Variants in UBR4 observed in about 807,000 individuals in gnomAD.
The protein encoded by UBR4 is E3 ubiquitin-protein ligase UBR4.
In UBR4, 124 loss-of-function variants were observed where a neutral mutation model predicts 575.6. The ratio of observed to expected loss-of-function variants is 0.22; its 90% CI spans 0.19 to 0.25. The LOEUF is 0.25. UBR4 is among the 10% of genes least tolerant of loss of function. The probability of loss-of-function intolerance (pLI) is 1.00; values close to 1 mark genes in which losing one functional copy is unlikely to be tolerated. For missense variants in UBR4, 4,818 were observed against 6,478.8 expected (o/e 0.74, Z 8.80); for synonymous variants, 2,455 against 2,473.7 (o/e 0.99, Z 0.22).
chr1:19,186,881 T>C (rs1482186053), intron 13 of UBR4, among the ~76,000 whole-genome samples: 2 of 152,028 alleles, frequency 1.3e-5, no homozygotes, highest in African/African-American at 4.8e-5. Flanking sequence ...TCCTCTATGC[T>C]TCTGCTTCAG....
chr1:19,078,345 C>A, intron 103 of UBR4: 1 of 335,798 alleles, frequency 3.0e-6, no homozygotes. Flanking sequence ...GGGGAGACAT[C>A]GCCAGGGCAG....
intron 60 of UBR4, among the ~76,000 whole-genome samples, chr1:19,132,396 GGTTTT>G (rs2082590112): frequency 6.6e-6 from 1 of 151,768 alleles, no homozygotes; most frequent in African/African-American, 2.4e-5. Flanking sequence ...TGAGCAGGCT[GGTTTT>G]GAACTCCTGG....
intron 103 of UBR4, chr1:19,081,113 T>G (rs971660812): frequency 2.2e-6 from 1 of 463,866 alleles, no homozygotes; most frequent in Non-Finnish European, 3.8e-6. Context: ...TTTTCTACAG[T>G]AGGTAAGACT....
At position 19,149,584 on chromosome 1, in the gene UBR4, G is replaced by A. The variant is rs185514040; in HGVS notation, c.7431-958C>T. ...TGGCCAACACCAAGAGTGCACTTACGATCTTCCATATACTCCATTTTTACA... is the reference window on the plus strand; with the variant it reads ...TGGCCAACACCAAGAGTGCACTTACAATCTTCCATATACTCCATTTTTACA... On this transcript the variant is annotated intron_variant, in intron 49 of 105. Coordinates refer to ENST00000375254, the MANE Select transcript of UBR4 (RefSeq NM_020765.3). 1.4e-4 allele frequency among the ~76,000 whole-genome samples: 22 copies of A among 152,180 alleles called. No homozygotes were observed. In the East Asian group the frequency reaches 3.5e-3, roughly 24 times the overall value.
intron 17 of UBR4, among the ~76,000 whole-genome samples, chr1:19,180,082 T>C (rs893217087): frequency 3.3e-5 from 5 of 152,212 alleles, no homozygotes; most frequent in African/African-American, 1.2e-4. Context: ...TCACACCGGA[T>C]GTGCCAGGCA....
At chr1:19,175,136 A>C in intron 20 of UBR4, 103 bp from the exon 21 acceptor site, 1 of 1,104,448 alleles carries the variant, frequency 9.1e-7, no homozygotes, top group Non-Finnish European at 1.3e-6. Context: ...AGGTTTCCCA[A>C]CCTTAACAAT....
chr1:19,105,058 AGGTTGCCCACATAG>A lies in UBR4; in HGVS notation c.12621_12634del (p.Tyr4208HisfsTer27). 1 of 1,613,780 alleles carries A rather than the reference AGGTTGCCCACATAG, an allele frequency of 6.2e-7. No homozygotes were observed. The highest frequency in any genetic ancestry group is 8.5e-7 in the Non-Finnish European group (1 of 1,179,828). ...AATAGGGTAGGATACCTTGGTGATGAGGTTGCCCACATAGGGTAGGACTCCCCGAGCTGCCAAGT... is the reference window on the plus strand; with the variant it reads ...AATAGGGTAGGATACCTTGGTGATGAGGTAGGACTCCCCGAGCTGCCAAGT... On this transcript the variant is annotated frameshift_variant, in exon 85 of 106. Transcript: ENST00000375254. LOFTEE classifies it high-confidence loss of function.
chr1:19,127,242 C>A (rs1294990293), intron 63 of UBR4, among the ~76,000 whole-genome samples: 1 of 152,232 alleles, frequency 6.6e-6, no homozygotes, highest in Non-Finnish European at 1.5e-5. Flanking sequence ...TTTCTACCTT[C>A]TCTGCTTTAT....
intron 105 of UBR4, chr1:19,075,274 A>C (rs1570025767): frequency 6.7e-6 from 2 of 297,894 alleles, no homozygotes. Context: ...GCTGCAGGCC[A>C]GGGGTGCTTG....
chr1:19,161,450 G>C (rs1286435207), intron 37 of UBR4, 139 bp downstream of exon 37: 1 of 1,208,312 alleles, frequency 8.3e-7, no homozygotes, highest in African/African-American at 1.5e-5. Context: ...GGCCACAACT[G>C]TGCAGATCAT....
chr1:19,081,779 G>A lies in UBR4; in HGVS notation c.15009-206C>T, dbSNP rs531899979. On this transcript the variant is annotated intron_variant, in intron 102 of 105. Transcript: ENST00000375254. ...CGTCCCCTTCCAGGCCCTTCTTCGC[G>A]GCATCTTCCCTTCTTCCCTGGCCCC... is the stretch of plus-strand genomic sequence containing the variant. 2.1e-4 allele frequency: 150 copies of A among 710,786 alleles called. 2 individuals are homozygous for A. The Admixed American group carries it at 2.6e-3, about 12-fold the overall frequency. 44.0% of individuals were successfully genotyped at this position (710,786 alleles called of 1,614,324 possible).
At chr1:19,107,051 G>T (rs2079289562) in intron 81 of UBR4, 85 bp from the exon 82 acceptor site, 1 of 1,553,414 alleles carries the variant, frequency 6.4e-7, no homozygotes, top group East Asian at 2.4e-5. Context: ...GGTGCCCCAG[G>T]GGGTGATGTG....
In UBR4 at chr1:19,099,674, G is replaced by A. The variant is rs759556174; in HGVS notation, c.13225C>T (p.Leu4409=). Residue 4409 remains leucine, a synonymous_variant, in exon 90 of 106, where the codon CTA becomes TTA. Transcript: ENST00000375254. Reference sequence around the variant, plus strand: ...AAACTAATGATTTTATTGTTCACTAGAAGCTGAACAGAAAAGCAGGTGAAG... The same window carrying A: ...AAACTAATGATTTTATTGTTCACTAAAAGCTGAACAGAAAAGCAGGTGAAG... ...LLEDDSGMEL[L]VNNKIISLDL... The A allele has an allele frequency of 5.0e-6, 8 of 1,612,158 alleles. No homozygotes were observed. In the Admixed American group the frequency reaches 5.0e-5, roughly 10 times the overall value.
In UBR4 at chr1:19,093,406, C is replaced by G; in HGVS notation, c.14018G>C (p.Ser4673Thr). The stretch of plus-strand genomic sequence containing the variant: ...CAGATCCTTCAGCTGGTGCCCATTG[C>G]TGTTGTTCTTGATGCCAGCAGCTAT... ...CKIAAGIKNN[S>T]NGHQLKDLIL... Residue 4673 changes from serine (S) to threonine (T), a missense_variant, in exon 96 of 106, where the codon AGC becomes ACC. Physicochemically the swap from Ser to Thr is moderately conservative, Grantham distance 58. This residue lies in a region of UBR4 where 165 missense variants were observed against 282.3 expected (regional missense o/e 0.58). Coordinates refer to ENST00000375254, the MANE Select transcript of UBR4 (RefSeq NM_020765.3). The surrounding 1 kb of genome is among the most constrained non-coding windows in gnomAD (Gnocchi z 4.8). 6.2e-7 allele frequency: 1 copy of G among 1,614,218 alleles called. No homozygotes were observed.
rs183084496 is a variant in UBR4 at position 19,157,735 on chromosome 1, G to A, written c.5760+80C>T. 2.2e-5 allele frequency: 34 copies of A among 1,536,520 alleles called. No individual in the cohort carries two copies. The highest frequency in any genetic ancestry group is 5.5e-5 in the Admixed American group (3 of 54,322). On this transcript the variant is annotated intron_variant, in intron 40 of 105. Coordinates refer to ENST00000375254, the MANE Select transcript of UBR4 (RefSeq NM_020765.3). This position sits in a 1 kb window ranked among gnomAD's most constrained non-coding sequence, Gnocchi z 4.4. ...ACTTTTTCCCACAGAGGGCTAATCC[G>A]AATGTGGTCATCAATTTGTTTTGCT...
At position 19,167,205 on chromosome 1, in the gene UBR4, T is replaced by TGTG. The variant is rs775804122; in HGVS notation, c.3923_3925dup (p.Pro1308dup). The TGTG allele has an allele frequency of 6.2e-7, 1 of 1,614,212 alleles. No homozygotes were observed. The highest frequency in any genetic ancestry group is 8.5e-7 in the Non-Finnish European group (1 of 1,180,026). On this transcript the variant is annotated inframe_insertion, in exon 29 of 106. Transcript: ENST00000375254. ...AAGAGGTAGCAGTGTCCGAATTACC[T>TGTG]GTGGTGGGTTCATCTCATCTGACCA...
rs1359564779 is a variant in UBR4, at chr1:19,162,585, G to A, written c.4791C>T (p.Cys1597=). The part of the protein sequence containing the change: ...GKHVMILECT[C]HIMSYLADVT... Reference sequence around the variant, plus strand: ...CATCAGCCAAGTAAGACATGATATGGCATGTGCACTCCAAGATCATCACAT... The same window carrying A: ...CATCAGCCAAGTAAGACATGATATGACATGTGCACTCCAAGATCATCACAT... Residue 1597 remains cysteine (C), a synonymous_variant, in exon 35 of 106, where the codon TGC becomes TGT. Coordinates refer to ENST00000375254, the MANE Select transcript of UBR4 (RefSeq NM_020765.3). 6.2e-7 allele frequency: 1 copy of A among 1,613,788 alleles called. No homozygotes were observed.
chr1:19,185,410 C>G (rs2091427629), intron 14 of UBR4, 124 bp from the exon 15 acceptor site: 1 of 949,258 alleles, frequency 1.1e-6, no homozygotes, highest in African/African-American at 1.7e-5. Context: ...ATGATGGTTA[C>G]AAGATTGCAT....
chr1:19,155,820 A>C, intron 42 of UBR4, 152 bp from the exon 43 acceptor site: 1 of 658,248 alleles, frequency 1.5e-6, no homozygotes, highest in Non-Finnish European at 2.6e-6. Context: ...GGTCTTATAA[A>C]GATGAACAGA....
Sources: allele counts gnomAD v4.1 joint callset (sites outside exome capture counted in the v4.1 genomes callset), GRCh38; gene constraint gnomAD v4.1.1; regional missense constraint gnomAD v4.1.1; non-coding constraint Gnocchi (gnomAD v3.1); transcripts MANE v1.5; gene names NCBI Gene and HGNC (gene_info 2026-07-23, HGNC 2026-07-21).